Variants in AARSD1 observed in about 807,000 individuals in gnomAD.
AARSD1 encodes the protein alanyl-tRNA editing protein Aarsd1.
In AARSD1, 44 loss-of-function variants were observed where a neutral mutation model predicts 48.7. That is an observed-to-expected ratio of 0.90 (90% CI 0.71 to 1.16). The LOEUF (loss-of-function observed/expected upper bound fraction) is 1.16. Ranked by LOEUF, AARSD1 falls within the 50% of genes most tolerant of loss-of-function variation. The pLI is 0.00. For missense variants in AARSD1, 511 were observed against 523.1 expected (o/e 0.98, Z 0.23); for synonymous variants, 189 against 194.9 (o/e 0.97, Z 0.25).
rs2049467996 is a variant in AARSD1, at chr17:42,950,700, C to T, written c.1132G>A (p.Ala378Thr). The T allele has an allele frequency of 6.2e-7, 1 of 1,613,740 alleles. No homozygotes were observed. The highest frequency in any genetic ancestry group is 1.1e-5 in the South Asian group (1 of 91,054). Reference sequence around the variant, plus strand: ...CCCTGAAAACGGCCTTTCTTCCCTGCTCCTTTGCCTTCCAGGACCTCAGCC... The same window carrying T: ...CCCTGAAAACGGCCTTTCTTCCCTGTTCCTTTGCCTTCCAGGACCTCAGCC... ...RVAEVLEGKG[A>T]GKKGRFQGKA... is the part of the protein sequence containing the mutation. Residue 378 changes from alanine (A) to threonine (T), a missense_variant, in exon 12 of 12, where the codon GCA (alanine) becomes ACA (threonine). By Grantham distance (58) the Ala-to-Thr change is moderately conservative (BLOSUM62 0). Coordinates refer to ENST00000427569, the MANE Select transcript of AARSD1 (RefSeq NM_001261434.2).
chr17:42,953,918 C>A, intron 9 of AARSD1, 140 bp from the exon 10 acceptor site: 1 of 1,097,748 alleles, frequency 9.1e-7, no homozygotes, highest in Non-Finnish European at 1.3e-6. Flanking sequence ...AGAGAGAGTA[C>A]TGGCTGAAAG....
intron 2 of AARSD1, among the ~76,000 whole-genome samples, chr17:42,962,897 G>A (rs746805986): frequency 2.2e-4 from 34 of 152,076 alleles, no homozygotes; most frequent in Admixed American, 5.9e-4. Flanking sequence ...TTGGTTGTGC[G>A]CCTGTAGTCC....
intron 2 of AARSD1, among the ~76,000 whole-genome samples, chr17:42,962,718 C>G (rs1415094877): frequency 1.3e-5 from 2 of 152,172 alleles, no homozygotes; most frequent in Admixed American, 1.3e-4. Flanking sequence ...CATGTTCTCT[C>G]ATGTCACTTA....
intron 9 of AARSD1, among the ~76,000 whole-genome samples, chr17:42,954,581 C>T (rs1411819175): frequency 2.0e-5 from 3 of 151,908 alleles, no homozygotes; most frequent in Non-Finnish European, 4.4e-5. Flanking sequence ...ACTACAGGCG[C>T]GTACTACCAT....
At chr17:42,951,436 C>T (rs2049477450) in intron 11 of AARSD1, among the ~76,000 whole-genome samples, 1 of 152,048 alleles carries the variant, frequency 6.6e-6, no homozygotes, top group African/African-American at 2.4e-5. Flanking sequence ...ACCTGTAATC[C>T]CAGCTACTTG....
chr17:42,952,015 T>C, intron 10 of AARSD1, 121 bp from the exon 11 acceptor site: 1 of 1,143,058 alleles, frequency 8.7e-7, no homozygotes. Context: ...CAAGTGACGC[T>C]CCTGATGAAT....
In AARSD1 at chr17:42,964,169, T is replaced by A. The variant is rs771976276; in HGVS notation, c.108A>T (p.Glu36Asp). The change falls in exon 2 of 12, where the codon GAA becomes GAT. Residue 36 changes from glutamate (E) to aspartate (D), a missense_variant. Physicochemically the swap from Glu to Asp is conservative, Grantham distance 45. Transcript: ENST00000427569. The stretch of plus-strand genomic sequence containing the variant: ...GCACCACTTGGAAACCGCTCAGCAC[T>A]TCTTTCTTGCCGTTGCTCCCTTCAG... ...LQTEGSNGKK[E>D]VLSGFQVVLE... 2 of 1,614,120 alleles carry A rather than the reference T, an allele frequency of 1.2e-6. No individual in the cohort carries two copies. The highest frequency in any genetic ancestry group is 2.7e-5 in the African/African-American group (2 of 74,942).
intron 3 of AARSD1, among the ~76,000 whole-genome samples, chr17:42,959,508 G>A (rs913964989): frequency 4.0e-5 from 6 of 151,856 alleles, no homozygotes; most frequent in African/African-American, 1.2e-4. Context: ...GATTACAGGC[G>A]TGAGCCATCG....
At chr17:42,953,827 G>C (rs1383678681) in intron 9 of AARSD1, 49 bp from the exon 10 acceptor site, 5 of 1,612,778 alleles carry the variant, frequency 3.1e-6, no homozygotes, top group Non-Finnish European at 4.2e-6. Flanking sequence ...TGGTGGCTGT[G>C]AAACTGCAGG....
chr17:42,961,173 C>G lies in AARSD1; in HGVS notation c.331+19G>C. 6.2e-7 allele frequency: 1 copy of G among 1,600,728 alleles called. No homozygotes were observed. ...CATGGCAACTGCTCCGGTGTTATGT[C>G]CCCCATCCCAGCCTTTACCTGAATG... On this transcript the variant is annotated intron_variant, in intron 3 of 11. Transcript: ENST00000427569.
intron 9 of AARSD1, 109 bp downstream of exon 9, chr17:42,954,767 G>A: frequency 8.1e-7 from 1 of 1,234,458 alleles, no homozygotes; most frequent in Admixed American, 1.9e-5. Context: ...TCAACCTTGA[G>A]AATACCAGTG....
At chr17:42,958,404 GT>G (rs2049586956) in intron 3 of AARSD1, among the ~76,000 whole-genome samples, 1 of 151,670 alleles carries the variant, frequency 6.6e-6, no homozygotes, top group Non-Finnish European at 1.5e-5. Context: ...AGGAGGCTGA[GT>G]TGCTTGAATC....
intron 1 of AARSD1, 63 bp from the exon 2 acceptor site, chr17:42,964,300 C>A: frequency 6.2e-7 from 1 of 1,610,744 alleles, no homozygotes; most frequent in Non-Finnish European, 8.5e-7. Flanking sequence ...CCTCTCCACA[C>A]CAGGACAGAA....
At chr17:42,963,755 A>G (rs1423054907) in intron 2 of AARSD1, among the ~76,000 whole-genome samples, 1 of 151,842 alleles carries the variant, frequency 6.6e-6, no homozygotes, top group African/African-American at 2.4e-5. Context: ...TTAGGTCTCT[A>G]CTGAAATAAC....
intron 2 of AARSD1, among the ~76,000 whole-genome samples, chr17:42,963,851 G>A (rs2049672486): frequency 6.6e-6 from 1 of 152,066 alleles, no homozygotes; most frequent in Non-Finnish European, 1.5e-5. Context: ...AGCACACACA[G>A]TTGTCTTCAA....
At chr17:42,961,001 T>C in intron 3 of AARSD1, 191 bp downstream of exon 3, 1 of 920,796 alleles carries the variant, frequency 1.1e-6, no homozygotes, top group Non-Finnish European at 1.5e-6. Flanking sequence ...ATTCTAATAC[T>C]TTTTTTTACT....
intron 3 of AARSD1, among the ~76,000 whole-genome samples, chr17:42,958,712 A>T (rs892634986): frequency 1.3e-5 from 2 of 148,228 alleles, no homozygotes; most frequent in Non-Finnish European, 3.0e-5. Context: ...CTGGGATTAC[A>T]GGTGCACGCC....
chr17:42,955,076 T>A (rs1056241486), intron 8 of AARSD1, 82 bp downstream of exon 8: 1 of 1,612,158 alleles, frequency 6.2e-7, no homozygotes, highest in Non-Finnish European at 8.5e-7. Context: ...AAACTACACA[T>A]CTGTTTAGGC....
At chr17:42,959,188 CTT>C (rs1449938443) in intron 3 of AARSD1, among the ~76,000 whole-genome samples, 1 of 87,476 alleles carries the variant, frequency 1.1e-5, no homozygotes, top group Non-Finnish European at 2.2e-5. Flanking sequence ...CAGAGCGAGA[CTT>C]TGTCTCAAAA....
Sources: gnomAD v4.1 joint callset for allele counts (sites outside exome capture counted in the v4.1 genomes callset) on GRCh38, gnomAD v4.1.1 for gene constraint, MANE v1.5 for transcripts, NCBI Gene and HGNC (gene_info 2026-07-23, HGNC 2026-07-21) for gene names.